Variants in TRIP4 observed in about 807,000 individuals in gnomAD.
The protein encoded by TRIP4 is thyroid hormone receptor interactor 4, also known as activating signal cointegrator 1.
A neutral mutation model predicts 81.8 loss-of-function variants in TRIP4; 54 were observed. That is an observed-to-expected ratio of 0.66 (90% CI 0.53 to 0.83). TRIP4 has a LOEUF of 0.83. Ranked by LOEUF, TRIP4 falls within the 40% of genes least tolerant of loss-of-function variation. The pLI, the probability that TRIP4 is intolerant of heterozygous loss-of-function variation, is 0.00. For synonymous variants in TRIP4, 270 were observed against 242.8 expected (o/e 1.11, Z -1.04); for missense variants, 662 against 683.6 (o/e 0.97, Z 0.35).
At chr15:64,394,186 T>C (rs1392296758) in intron 2 of TRIP4, 71 bp downstream of exon 2, 5 of 636,328 alleles carry the variant, frequency 7.9e-6, no homozygotes, top group Non-Finnish European at 1.1e-5. Context: ...ATTATTATTA[T>C]TTTTTTTTTT....
At chr15:64,453,484 C>T (rs956340087) in intron 12 of TRIP4, among the ~76,000 whole-genome samples, 14 of 152,226 alleles carry the variant, frequency 9.2e-5, no homozygotes, top group Admixed American at 7.9e-4. Flanking sequence ...GATACAAAGG[C>T]TGACTTGCCT....
intron 2 of TRIP4, 64 bp downstream of exon 2, chr15:64,394,179 A>G (rs1361175095): frequency 2.9e-6 from 4 of 1,361,078 alleles, no homozygotes; most frequent in Non-Finnish European, 3.9e-6. Flanking sequence ...AAGAATTATT[A>G]TTATTATTTT....
chr15:64,424,064 A>T lies in TRIP4; in HGVS notation c.1392A>T (p.Arg464Ser), dbSNP rs1892081496. 6.2e-7 allele frequency: 1 copy of T among 1,614,030 alleles called. No homozygotes were observed. The highest frequency in any genetic ancestry group is 1.3e-5 in the African/African-American group (1 of 74,902). ...GCAGATCCTGGTACACCCCCCACAG[A>T]GGACGACTTTGGATAGCAGCCACAG... is the stretch of plus-strand genomic sequence containing the variant. Reference protein sequence around the residue: ...VEGRSWYTPHRGRLWIAATAK... With the variant: ...VEGRSWYTPHSGRLWIAATAK... Residue 464 changes from arginine to serine, a missense_variant, in exon 10 of 13, where the codon AGA becomes AGT. Arg to Ser is a moderately radical substitution (Grantham distance 110). Coordinates refer to ENST00000261884, the MANE Select transcript of TRIP4 (RefSeq NM_016213.5).
chr15:64,398,471 G>A (rs1202987891), intron 4 of TRIP4, among the ~76,000 whole-genome samples: 1 of 151,618 alleles, frequency 6.6e-6, no homozygotes, highest in African/African-American at 2.4e-5. Flanking sequence ...AGCTGGGCTG[G>A]GTATGGTGGT....
At chr15:64,392,072 C>T (rs569457779) in intron 1 of TRIP4, among the ~76,000 whole-genome samples, 8 of 150,412 alleles carry the variant, frequency 5.3e-5, no homozygotes, top group East Asian at 2.0e-4. Context: ...GTCAGGACTT[C>T]GAGACCAGCC....
intron 5 of TRIP4, among the ~76,000 whole-genome samples, chr15:64,404,160 A>G (rs898524307): frequency 1.3e-5 from 2 of 152,206 alleles, no homozygotes; most frequent in African/African-American, 4.8e-5. Context: ...ATTGCACTCC[A>G]GCCTGGGCAA....
intron 5 of TRIP4, among the ~76,000 whole-genome samples, chr15:64,404,057 G>A (rs1056518011): frequency 1.3e-5 from 2 of 152,086 alleles, no homozygotes; most frequent in African/African-American, 4.8e-5. Flanking sequence ...CGTGCATGGT[G>A]GCACATGCCT....
intron 5 of TRIP4, among the ~76,000 whole-genome samples, 160 bp downstream of exon 5, chr15:64,400,981 T>C (rs970901563): frequency 5.3e-5 from 8 of 151,962 alleles, no homozygotes; most frequent in African/African-American, 1.9e-4. Context: ...TTTGTTTTGA[T>C]GTGGAGTCTC....
At chr15:64,443,838 AT>A (rs1183632903) in intron 11 of TRIP4, among the ~76,000 whole-genome samples, 2 of 152,138 alleles carry the variant, frequency 1.3e-5, no homozygotes, top group Non-Finnish European at 2.9e-5. Context: ...CCTGGGCAAC[AT>A]AGAGAGACCC....
At chr15:64,442,272 C>T (rs1376268242) in intron 11 of TRIP4, among the ~76,000 whole-genome samples, 1 of 151,822 alleles carries the variant, frequency 6.6e-6, no homozygotes, top group Non-Finnish European at 1.5e-5. Flanking sequence ...AGAAACAGAC[C>T]ACTTAAGAGG....
At chr15:64,440,111 G>C (rs750984770) in intron 11 of TRIP4, among the ~76,000 whole-genome samples, 18 of 151,854 alleles carry the variant, frequency 1.2e-4, no homozygotes, top group Admixed American at 2.0e-4. Context: ...GACAGGTCTG[G>C]TGGTGTGCAC....
At chr15:64,402,719 T>C (rs1406217158) in intron 5 of TRIP4, among the ~76,000 whole-genome samples, 1 of 151,864 alleles carries the variant, frequency 6.6e-6, no homozygotes, top group Admixed American at 6.6e-5. Flanking sequence ...AGAGATGGGG[T>C]TCTCCCATGT....
chr15:64,426,843 C>CA lies in TRIP4; in HGVS notation c.1575+1220dup, dbSNP rs889898194. Among the ~76,000 whole-genome samples, 5 of 150,550 alleles carry CA rather than the reference C, an allele frequency of 3.3e-5. 1 individual carries two copies. The highest frequency in any genetic ancestry group is 4.2e-4 in the South Asian group (2 of 4,756). Reference sequence around the variant, plus strand: ...GTCAAACCCCATCTCTATAAAAATACAAAAAAAATTGCTGGGTGTGATGGC... The same window carrying CA: ...GTCAAACCCCATCTCTATAAAAATACAAAAAAAAATTGCTGGGTGTGATGGC... On this transcript the variant is annotated intron_variant, in intron 11 of 12. Transcript: ENST00000261884.
Position 64,387,878 on chromosome 15 carries a change from G to A in TRIP4, c.15G>A (p.Gly5=). 7.8e-6 allele frequency: 12 copies of A among 1,547,678 alleles called. No homozygotes were observed. The highest frequency in any genetic ancestry group is 9.6e-6 in the Non-Finnish European group (11 of 1,146,890). The change falls in exon 1 of 13, where the codon GGG becomes GGA. Residue 5 remains glycine (G), a synonymous_variant. Transcript: ENST00000261884. The stretch of plus-strand genomic sequence containing the variant: ...GGCTGGGGAAGATGGCGGTGGCTGG[G>A]GCGGTGTCCGGGGAGCCGCTGGTGC... MAVA[G]AVSGEPLVHW... is the part of the protein sequence containing the mutation.
intron 11 of TRIP4, among the ~76,000 whole-genome samples, chr15:64,427,425 C>T (rs1892173365): frequency 1.3e-5 from 2 of 152,242 alleles, no homozygotes; most frequent in Admixed American, 1.3e-4. Context: ...CTCTGTCGTC[C>T]AGGCTGGAGT....
In TRIP4 at chr15:64,388,192, C is replaced by A. The variant is rs16947927; in HGVS notation, c.101+228C>A. ...CGGGCTTTTTTCCTGGGAAGACGCC[C>A]AATCTGTAATAATTAGAAATGCAAG... is the stretch of plus-strand genomic sequence containing the variant. On this transcript the variant is annotated intron_variant, in intron 1 of 12. Coordinates refer to ENST00000261884, the MANE Select transcript of TRIP4 (RefSeq NM_016213.5). The A allele has an allele frequency of 0.013, 8,894 of 672,588 alleles. 609 individuals are homozygous for A. The African/African-American group carries it at 0.14, about 11-fold the overall frequency. 41.7% of individuals were successfully genotyped at this position (672,588 alleles called of 1,614,324 possible).
chr15:64,408,434 T>C (rs1397403301), intron 6 of TRIP4, among the ~76,000 whole-genome samples: 2 of 151,832 alleles, frequency 1.3e-5, no homozygotes, highest in East Asian at 3.9e-4. Flanking sequence ...AATTTTTTTG[T>C]ATTTTTAGTA....
At chr15:64,433,829 C>G (rs916375068) in intron 11 of TRIP4, among the ~76,000 whole-genome samples, 4 of 151,980 alleles carry the variant, frequency 2.6e-5, no homozygotes, top group African/African-American at 9.7e-5. Flanking sequence ...AGCTGTGGCC[C>G]GTGGGATGCA....
Position 64,414,122 on chromosome 15 carries a change from T to A in TRIP4, c.1081T>A (p.Leu361Met). ...ETIQAIANGT[L>M]NQPLTKLDRS... ...AATACAGGCCATTGCCAATGGAACCTTGAACCAGCCACTGACCAAATTGGA... is the reference window on the plus strand; with the variant it reads ...AATACAGGCCATTGCCAATGGAACCATGAACCAGCCACTGACCAAATTGGA... Residue 361 changes from leucine to methionine, a missense_variant, in exon 8 of 13, where the codon TTG (leucine) becomes ATG (methionine). Coordinates refer to ENST00000261884, the MANE Select transcript of TRIP4 (RefSeq NM_016213.5). 1 of 1,614,168 alleles carries A rather than the reference T, an allele frequency of 6.2e-7. No individual in the cohort carries two copies. Among genetic ancestry groups the A allele is most frequent in the Non-Finnish European group, 8.5e-7 (1 of 1,180,012 alleles).
Sources: allele counts gnomAD v4.1 joint callset (sites outside exome capture counted in the v4.1 genomes callset), GRCh38; gene constraint gnomAD v4.1.1; transcripts MANE v1.5; gene names NCBI Gene and HGNC (gene_info 2026-07-23, HGNC 2026-07-21).